TRIM14: variants seen among roughly 807,000 people sequenced by gnomAD.
TRIM14 encodes tripartite motif containing 14, also known as tripartite motif-containing protein 14.
Under a neutral mutation model 44.5 loss-of-function variants are expected in TRIM14, and 28 were observed. The observed-to-expected ratio is 0.63, with a 90% CI of 0.47 to 0.86. TRIM14 has a LOEUF of 0.86. Among genes scored for constraint, TRIM14 ranks in the 40% least tolerant of loss-of-function variants. The pLI, the probability that TRIM14 is intolerant of heterozygous loss-of-function variation, is 0.00. For missense variants in TRIM14, 607 were observed against 611.1 expected, an observed-to-expected ratio of 0.99 and a Z score of 0.07; for synonymous variants, 299 against 269.2, an observed-to-expected ratio of 1.11 and a Z score of -1.08.
At chr9:98,045,896 T>A in the TRIM14 span, among the ~76,000 whole-genome samples, 1 of 151,932 alleles carries the variant, frequency 6.6e-6, no homozygotes, top group Non-Finnish European at 1.5e-5. Context: ...GCTCTCCGAG[T>A]TTCTTTGAGG....
At chr9:98,108,494 C>A (rs1564187605) in intron 2 of TRIM14, among the ~76,000 whole-genome samples, 1 of 152,044 alleles carries the variant, frequency 6.6e-6, no homozygotes, top group African/African-American at 2.4e-5. Context: ...GAAGACTAGA[C>A]CCTCCACATG....
At chr9:98,073,575 G>A (rs1013244552) in intron 6 of TRIM14, among the ~76,000 whole-genome samples, 2 of 150,588 alleles carry the variant, frequency 1.3e-5, no homozygotes, top group East Asian at 1.9e-4. Flanking sequence ...GAGCCACCGC[G>A]CCTGGCCTGG....
At position 98,096,240 on chromosome 9, in the gene TRIM14, A is replaced by G. The variant is rs1414216085; in HGVS notation, c.538-1211T>C. 3.9e-5 allele frequency among the ~76,000 whole-genome samples: 6 copies of G among 152,176 alleles called. 1 individual carries two copies. The East Asian group carries it at 1.2e-3, about 29-fold the overall frequency. ...GGGAGGGGGCTGTGAGATGGCCTGC[A>G]AGCCCCATTCAGCCTAGGAGGCCAG... On this transcript the variant is annotated intron_variant, in intron 3 of 5. Coordinates refer to ENST00000341469, the MANE Select transcript of TRIM14 (RefSeq NM_014788.4).
rs951324435 is a variant in TRIM14, at chr9:98,102,543, C to T, written c.304-2379G>A. ...CTGATGCATGCTAAACATGGATGAA[C>T]CTCGAAGACATCATCCCCAGTGAAT... is the stretch of plus-strand genomic sequence containing the variant. On this transcript the variant is annotated intron_variant, in intron 2 of 5. Transcript: ENST00000341469. 5.3e-5 allele frequency among the ~76,000 whole-genome samples: 8 copies of T among 152,102 alleles called. 1 individual carries two copies. The highest frequency in any genetic ancestry group is 5.2e-4 in the Admixed American group (8 of 15,262).
chr9:98,098,577 T>TG lies in TRIM14; in HGVS notation c.537+1353dup, dbSNP rs1399583600. Among the ~76,000 whole-genome samples, 4 of 151,484 alleles carry TG rather than the reference T, an allele frequency of 2.6e-5. No homozygotes were observed. The South Asian group carries it at 8.4e-4, about 32-fold the overall frequency. On this transcript the variant is annotated intron_variant, in intron 3 of 5. Coordinates refer to ENST00000341469, the MANE Select transcript of TRIM14 (RefSeq NM_014788.4). Reference sequence around the variant, plus strand: ...AATACAAAAAATTAGCTGGGCGTGGTGGGGGGCGCCTGTAGTCCCAGCTAC... The same window carrying TG: ...AATACAAAAAATTAGCTGGGCGTGGTGGGGGGGCGCCTGTAGTCCCAGCTAC...
intron 6 of TRIM14, among the ~76,000 whole-genome samples, chr9:98,078,872 C>T (rs1405397645): frequency 6.7e-6 from 1 of 149,536 alleles, no homozygotes; most frequent in Non-Finnish European, 1.5e-5. Flanking sequence ...TGTCAACAGA[C>T]ATTTGGGATG....
Position 98,108,843 on chromosome 9 carries a change from G to A in TRIM14, c.303+1046C>T, listed in dbSNP as rs184563097. ...GGTGCCAGCTTCTCCCATGGTCACA[G>A]CCACTCCTCCTCTTGTGTGAATCAG... On this transcript the variant is annotated intron_variant, in intron 2 of 5. Transcript: ENST00000341469. Among the ~76,000 whole-genome samples, 29 of 150,700 alleles carry A rather than the reference G, an allele frequency of 1.9e-4. 1 individual carries two copies. The highest frequency in any genetic ancestry group is 1.7e-3 in the Admixed American group (26 of 15,112).
downstream of TRIM14, chr9:98,080,976 A>C (rs2118024967): frequency 6.2e-7 from 1 of 1,614,156 alleles, no homozygotes; most frequent in South Asian, 1.1e-5. Context: ...GCCTCGCTGG[A>C]GCCTGGAGAA....
At chr9:98,081,219 C>A, downstream of TRIM14, 3 of 1,146,712 alleles carry the variant, frequency 2.6e-6, no homozygotes, top group Non-Finnish European at 3.7e-6. Context: ...CCACCCGTGT[C>A]AGCTTCTTCA....
intron 6 of TRIM14, chr9:98,078,131 G>GT (rs749300805): frequency 6.2e-7 from 1 of 1,607,806 alleles, no homozygotes; most frequent in South Asian, 1.1e-5. Context: ...GTTGGGATGT[G>GT]TTGGGGAGAG....
intron 1 of TRIM14, 30 bp from the exon 2 acceptor site, chr9:98,110,014 G>GT: frequency 6.4e-7 from 1 of 1,551,428 alleles, no homozygotes; most frequent in Non-Finnish European, 8.9e-7. Flanking sequence ...GAAAAAAGTC[G>GT]TAATACTGTC....
rs773695768 is a variant in TRIM14, at chr9:98,091,892, A to C, written c.793+17T>G. 6.4e-7 allele frequency: 1 copy of C among 1,558,018 alleles called. No individual in the cohort carries two copies. Among genetic ancestry groups the C allele is most frequent in the Non-Finnish European group, 8.7e-7 (1 of 1,146,936 alleles). On this transcript the variant is annotated intron_variant, in intron 5 of 5. Transcript: ENST00000341469. The stretch of plus-strand genomic sequence containing the variant: ...TCTCCACCGTCTCCACCCTATCCCC[A>C]CTCCCGGGGGTCTTACATTTCAGCA...
chr9:98,040,131 A>C, the TRIM14 span, among the ~76,000 whole-genome samples: 79 of 152,202 alleles, frequency 5.2e-4, no homozygotes, highest in Middle Eastern at 3.4e-3. Flanking sequence ...GGCATGAGCC[A>C]CTGTACCCGG....
chr9:98,073,891 A>G (rs927989334), intron 6 of TRIM14, among the ~76,000 whole-genome samples: 6 of 151,932 alleles, frequency 3.9e-5, no homozygotes, highest in South Asian at 2.1e-4. Context: ...GGTTCAAGCA[A>G]TCCTCCCACT....
chr9:98,049,372 A>G, the TRIM14 span, among the ~76,000 whole-genome samples: 10 of 146,796 alleles, frequency 6.8e-5, no homozygotes, highest in East Asian at 2.0e-3. Context: ...AAAAAGAATG[A>G]CTATTCCATA....
rs1285809152 is a variant in TRIM14 at position 98,087,884 on chromosome 9, G to A, written c.915C>T (p.Phe305=). 11 of 1,569,170 alleles carry A rather than the reference G, an allele frequency of 7.0e-6. No individual in the cohort carries two copies. Among genetic ancestry groups the A allele is most frequent in the Non-Finnish European group, 9.4e-6 (11 of 1,167,762 alleles). The change falls in exon 6 of 6, where the codon TTC becomes TTT. Residue 305 remains phenylalanine, a synonymous_variant. Transcript: ENST00000341469. ...GAGCCAGCACTTGCCAGAGCGCGTC[G>A]AACCGCAGCACGGGCACGGGCCCCA... ...GSLGPVPVLR[F]DALWQVLARD...
At chr9:98,072,312 C>G (rs78038938) in intron 6 of TRIM14, among the ~76,000 whole-genome samples, 1 of 152,194 alleles carries the variant, frequency 6.6e-6, no homozygotes, top group Non-Finnish European at 1.5e-5. Context: ...GTTTTTCTGC[C>G]TCAGCCTATT....
chr9:98,084,847 G>T lies in TRIM14; in HGVS notation c.*2623C>A, dbSNP rs139435416. Reference sequence around the variant, plus strand: ...ACCACGCCCAGCTAATTTTTGTATAGGACTATAGTTTTAAGGCAAGTTTAT... The same window carrying T: ...ACCACGCCCAGCTAATTTTTGTATATGACTATAGTTTTAAGGCAAGTTTAT... On this transcript the variant is annotated 3_prime_UTR_variant, in exon 6 of 6. Coordinates refer to ENST00000341469, the MANE Select transcript of TRIM14 (RefSeq NM_014788.4). 2 of 152,084 alleles carry T rather than the reference G, an allele frequency of 1.3e-5. No individual in the cohort carries two copies. The highest frequency in any genetic ancestry group is 4.8e-5 in the African/African-American group (2 of 41,504). The allele number at this position is 152,084 out of a possible 1,614,324, so 9.4% of individuals were successfully genotyped here.
intron 2 of TRIM14, among the ~76,000 whole-genome samples, chr9:98,107,050 C>T (rs1826640465): frequency 6.6e-6 from 1 of 152,172 alleles, no homozygotes; most frequent in Admixed American, 6.5e-5. Context: ...CTCAACATCA[C>T]TAGCTACTGG....
Sources: allele counts gnomAD v4.1 joint callset (sites outside exome capture counted in the v4.1 genomes callset), GRCh38; gene constraint gnomAD v4.1.1; transcripts MANE v1.5; gene names NCBI Gene and HGNC (gene_info 2026-07-23, HGNC 2026-07-21).